The following DMD variants were observed in gnomAD, a reference collection of about 807,000 sequenced individuals.
The protein encoded by DMD is dystrophin, also known as mutant dystrophin.
Under a neutral mutation model 330.1 loss-of-function variants are expected in DMD, and 63 were observed. The observed-to-expected ratio is 0.19, with a 90% CI of 0.16 to 0.24. DMD has a LOEUF of 0.24. Ranked by LOEUF, DMD falls within the 10% of genes least tolerant of loss-of-function variation. DMD has a pLI of 1.00. For missense variants in DMD, 3,344 were observed against 2,684.1 expected, an observed-to-expected ratio of 1.25 and a Z score of -5.43; for synonymous variants, 1,223 against 959.8, an observed-to-expected ratio of 1.27 and a Z score of -5.07.
intron 1 of DMD, among the ~76,000 whole-genome samples, chrX:33,338,358 A>G (rs1054427692): frequency 9.1e-6 from 1 of 110,490 alleles, no homozygotes; most frequent in South Asian, 3.8e-4. Context: ...TTATAATTAT[A>G]ATCCACTGAT....
chrX:33,192,349 A>T (rs2050701371), intron 1 of DMD, among the ~76,000 whole-genome samples: 1 of 112,378 alleles, frequency 8.9e-6, no homozygotes, highest in African/African-American at 3.2e-5. Context: ...GTCAAAAATC[A>T]TGTTAGTAAT....
chrX:31,504,242 T>C (rs1380914108), intron 56 of DMD, among the ~76,000 whole-genome samples: 2 of 111,151 alleles, frequency 1.8e-5, no homozygotes, highest in African/African-American at 6.5e-5. Context: ...AAAAGATGTA[T>C]GGCAGAAGAA....
intron 9 of DMD, among the ~76,000 whole-genome samples, chrX:32,657,662 T>TA (rs1314306912): frequency 1.8e-5 from 2 of 112,115 alleles, no homozygotes; most frequent in African/African-American, 3.2e-5. Context: ...TCAATAATTT[T>TA]AAAAGTCAGT....
rs72626051 is a variant in DMD at position 32,864,163 on chromosome X, G to A, written c.94-14343C>T. Among the ~76,000 whole-genome samples, 4 of 109,860 alleles carry A rather than the reference G, an allele frequency of 3.6e-5. No homozygotes were observed. In the East Asian group the frequency reaches 1.1e-3, roughly 31 times the overall value. ...TCTACCTCATGTATCAGAAAGATGC[G>A]AGTTACACACATCGACTGGTTTATG... On this transcript the variant is annotated intron_variant, in intron 2 of 78. Coordinates refer to ENST00000357033, the MANE Select transcript of DMD (RefSeq NM_004006.3).
intron 18 of DMD, 57 bp downstream of exon 18, chrX:32,517,951 C>T (rs749294351): frequency 3.3e-5 from 38 of 1,155,295 alleles, no homozygotes; most frequent in East Asian, 1.2e-4. Context: ...TAACAAAGCA[C>T]GGAGTTTACA....
At chrX:32,703,210 C>T (rs999299673) in intron 7 of DMD, among the ~76,000 whole-genome samples, 5 of 111,628 alleles carry the variant, frequency 4.5e-5, no homozygotes, top group Admixed American at 3.8e-4. Flanking sequence ...CTGACTCCCC[C>T]CGCAAAACCT....
intron 60 of DMD, among the ~76,000 whole-genome samples, chrX:31,353,904 G>T (rs2058544067): frequency 8.9e-6 from 1 of 112,046 alleles, no homozygotes; most frequent in Admixed American, 9.5e-5. Flanking sequence ...AATTAATAGG[G>T]CATGTCTCTG....
At chrX:31,347,036 AG>A (rs55862733) in intron 61 of DMD, among the ~76,000 whole-genome samples, 17,269 of 45,602 alleles carry the variant, frequency 0.38, 4,638 homozygotes, top group East Asian at 0.48. Context: ...AAAAAAAAAA[AG>A]GAAGGATGCA....
intron 55 of DMD, among the ~76,000 whole-genome samples, chrX:31,566,498 A>C (rs1028816724): frequency 8.9e-6 from 1 of 111,866 alleles, no homozygotes; most frequent in African/African-American, 3.2e-5. Context: ...TGATAGCCTT[A>C]CTATATTGTT....
intron 43 of DMD, among the ~76,000 whole-genome samples, chrX:32,255,795 ACTT>A (rs1167026004): frequency 1.2e-4 from 13 of 112,009 alleles, no homozygotes; most frequent in African/African-American, 3.9e-4. Context: ...GAGTTATTTT[ACTT>A]CTTTATATGC....
intron 17 of DMD, among the ~76,000 whole-genome samples, chrX:32,535,968 T>C (rs2047917908): frequency 9.0e-6 from 1 of 111,512 alleles, no homozygotes; most frequent in South Asian, 3.7e-4. Flanking sequence ...ATAGAAGTGT[T>C]AAAAAGGCTG....
chrX:32,584,455 C>T (rs761694920), intron 13 of DMD, among the ~76,000 whole-genome samples: 1 of 111,801 alleles, frequency 8.9e-6, no homozygotes, highest in South Asian at 3.7e-4. Flanking sequence ...TACATATATA[C>T]ACAAAAATAT....
At chrX:31,536,862 C>T (rs1451229923) in intron 55 of DMD, among the ~76,000 whole-genome samples, 1 of 111,567 alleles carries the variant, frequency 9.0e-6, no homozygotes, top group African/African-American at 3.3e-5. Context: ...TCCCTCTCTA[C>T]CATCTTCTTC....
At chrX:31,846,325 G>T (rs2093425194) in intron 48 of DMD, among the ~76,000 whole-genome samples, 1 of 109,906 alleles carries the variant, frequency 9.1e-6, no homozygotes, top group Admixed American at 9.8e-5. Flanking sequence ...TCAGCAAACA[G>T]ATTTAGGTAA....
At position 31,774,136 on chromosome X, in the gene DMD, T is replaced by C. The variant is rs1467855560; in HGVS notation, c.7366A>G (p.Ile2456Val). ...TQPVVTKETA[I>V]SKLEMPSSLM... ...GAAGATGGCATTTCTAGTTTGGAGA[T>C]GGCAGTTTCCTTAGTAACCACAGGT... Residue 2456 changes from isoleucine (I) to valine (V), a missense_variant, in exon 51 of 79, where the codon ATC becomes GTC. Transcript: ENST00000357033. 6.6e-6 allele frequency: 8 copies of C among 1,210,974 alleles called. No individual in the cohort carries two copies. The highest frequency in any genetic ancestry group is 3.5e-5 in the African/African-American group (2 of 57,689).
chrX:32,300,248 T>C (rs1243606019), intron 42 of DMD, among the ~76,000 whole-genome samples: 2 of 111,766 alleles, frequency 1.8e-5, no homozygotes, highest in East Asian at 5.6e-4. Flanking sequence ...TAGATAGATA[T>C]TCAGGTATGG....
chrX:31,776,109 GAAATCTTA>G (rs983262963), intron 50 of DMD, among the ~76,000 whole-genome samples: 2 of 111,708 alleles, frequency 1.8e-5, no homozygotes, highest in African/African-American at 6.5e-5. Context: ...AAAAGATCTA[GAAATCTTA>G]AAAGGGATTC....
rs771248872 is a variant in DMD, at chrX:32,043,130, A to G, written c.6439-74616T>C. 1.2e-4 allele frequency among the ~76,000 whole-genome samples: 13 copies of G among 111,868 alleles called. No homozygotes were observed. In the East Asian group the frequency reaches 3.7e-3, roughly 32 times the overall value. On this transcript the variant is annotated intron_variant, in intron 44 of 78. Coordinates refer to ENST00000357033, the MANE Select transcript of DMD (RefSeq NM_004006.3). Reference sequence around the variant, plus strand: ...AACCTCTCTTGTACCCCATCAATATATACACCTTCCTCATGTACCCCGTTG... The same window carrying G: ...AACCTCTCTTGTACCCCATCAATATGTACACCTTCCTCATGTACCCCGTTG...
chrX:32,253,836 C>G (rs1337673570), intron 43 of DMD, among the ~76,000 whole-genome samples: 2 of 109,292 alleles, frequency 1.8e-5, no homozygotes, highest in African/African-American at 6.7e-5. Flanking sequence ...ATTGGCTAGG[C>G]TGTTTTCGAA....
Sources: gnomAD v4.1 joint callset for allele counts (sites outside exome capture counted in the v4.1 genomes callset) on GRCh38, gnomAD v4.1.1 for gene constraint, MANE v1.5 for transcripts, NCBI Gene and HGNC (gene_info 2026-07-23, HGNC 2026-07-21) for gene names.